The following AKR1C8 variants were observed in gnomAD, a reference collection of about 807,000 sequenced individuals.
AKR1C8 encodes aldo-keto reductase family 1 member C-like protein 1.
At chr10:5,139,114 T>C in the AKR1C8 span, among the ~76,000 whole-genome samples, 5 of 152,068 alleles carry the variant, frequency 3.3e-5, no homozygotes, top group South Asian at 2.1e-4. Context: ...TGAAGGACCT[T>C]TTCAAGGAGA....
the AKR1C8 span, among the ~76,000 whole-genome samples, chr10:5,179,518 G>A: frequency 6.6e-6 from 1 of 152,034 alleles, no homozygotes. Flanking sequence ...GAATCTGAAT[G>A]TTGGCCTGCC....
the AKR1C8 span, among the ~76,000 whole-genome samples, chr10:5,163,333 T>C: frequency 1.3e-5 from 2 of 152,186 alleles, no homozygotes; most frequent in Admixed American, 6.5e-5. Flanking sequence ...AATGGATAAT[T>C]ATGCCACTGA....
chr10:5,125,153 T>C, the AKR1C8 span, among the ~76,000 whole-genome samples: 14 of 152,312 alleles, frequency 9.2e-5, no homozygotes, highest in African/African-American at 3.4e-4. Flanking sequence ...TTATTAGGTA[T>C]ACTTTTGGTA....
At chr10:5,140,624 A>G in the AKR1C8 span, among the ~76,000 whole-genome samples, 2 of 151,852 alleles carry the variant, frequency 1.3e-5, no homozygotes, top group Non-Finnish European at 2.9e-5. Flanking sequence ...AGGGCGGGAA[A>G]CATCACACAC....
the AKR1C8 span, chr10:5,162,928 C>T: frequency 1.9e-6 from 1 of 534,742 alleles, no homozygotes; most frequent in Non-Finnish European, 3.8e-6. Flanking sequence ...GTCCAACCTC[C>T]TCCTCATTTT....
At chr10:5,180,836 G>A in the AKR1C8 span, among the ~76,000 whole-genome samples, 540 of 152,298 alleles carry the variant, frequency 3.5e-3, 6 homozygotes, top group Admixed American at 5.9e-3. Flanking sequence ...TAAGCCCGTC[G>A]GAAAAGCGCG....
the AKR1C8 span, among the ~76,000 whole-genome samples, chr10:5,136,530 C>T: frequency 6.6e-6 from 1 of 152,096 alleles, no homozygotes; most frequent in Non-Finnish European, 1.5e-5. Context: ...TTGCATGATC[C>T]ATGATTAACA....
At chr10:5,175,437 T>C in the AKR1C8 span, among the ~76,000 whole-genome samples, 11 of 152,250 alleles carry the variant, frequency 7.2e-5, no homozygotes, top group South Asian at 1.2e-3. Context: ...AATAAACATA[T>C]GTGTGCATGT....
the AKR1C8 span, chr10:5,184,923 C>T: frequency 2.2e-6 from 1 of 450,342 alleles, no homozygotes; most frequent in South Asian, 1.6e-5. Flanking sequence ...CAAGCATCCA[C>T]TGTCTACCCA....
the AKR1C8 span, among the ~76,000 whole-genome samples, chr10:5,140,072 A>G: frequency 1.3e-5 from 2 of 152,210 alleles, no homozygotes; most frequent in Non-Finnish European, 2.9e-5. Context: ...GTCATCAGAG[A>G]AATGCAAATC....
the AKR1C8 span, among the ~76,000 whole-genome samples, chr10:5,168,164 C>T: frequency 3.9e-5 from 6 of 151,990 alleles, no homozygotes; most frequent in African/African-American, 7.2e-5. Flanking sequence ...GGAGAGGAAA[C>T]GGTCTGAGGT....
At chr10:5,147,340 A>T in the AKR1C8 span, among the ~76,000 whole-genome samples, 2 of 152,112 alleles carry the variant, frequency 1.3e-5, no homozygotes, top group Non-Finnish European at 1.5e-5. Flanking sequence ...TAGAGGGTCA[A>T]ATATCGCAAT....
the AKR1C8 span, among the ~76,000 whole-genome samples, chr10:5,153,571 A>C: frequency 6.6e-6 from 1 of 152,208 alleles, no homozygotes; most frequent in Non-Finnish European, 1.5e-5. Flanking sequence ...GCTGTGTAGG[A>C]TGCATGGCTG....
the AKR1C8 span, among the ~76,000 whole-genome samples, chr10:5,166,367 A>G: frequency 2.0e-5 from 3 of 152,242 alleles, no homozygotes; most frequent in Non-Finnish European, 4.4e-5. Flanking sequence ...TGGAGGCATC[A>G]TGCTACCTGA....
chr10:5,116,047 G>T, the AKR1C8 span, among the ~76,000 whole-genome samples: 3 of 152,016 alleles, frequency 2.0e-5, no homozygotes, highest in African/African-American at 7.2e-5. Context: ...ATTTTTGAAG[G>T]ATCTGGGTCA....
chr10:5,127,605 G>GACATGTGC, the AKR1C8 span, among the ~76,000 whole-genome samples: 1 of 151,280 alleles, frequency 6.6e-6, no homozygotes, highest in Non-Finnish European at 1.5e-5. Context: ...TGTAATCCCA[G>GACATGTGC]CTACTCAGGA....
At chr10:5,163,541 T>C in the AKR1C8 span, among the ~76,000 whole-genome samples, 11 of 152,206 alleles carry the variant, frequency 7.2e-5, no homozygotes, top group East Asian at 1.9e-4. Context: ...GTGTATTTCA[T>C]GAGAAGCACA....
chr10:5,167,760 C>T, the AKR1C8 span, among the ~76,000 whole-genome samples: 1 of 133,950 alleles, frequency 7.5e-6, no homozygotes, highest in Non-Finnish European at 1.7e-5. Context: ...GCACATGTAG[C>T]CTAAAACTTA....
the AKR1C8 span, chr10:5,162,854 T>G: frequency 7.5e-6 from 4 of 533,424 alleles, no homozygotes; most frequent in South Asian, 5.6e-5. Flanking sequence ...AACTTTCACC[T>G]TGATGGTGTA....
Sources: allele counts gnomAD v4.1 joint callset (sites outside exome capture counted in the v4.1 genomes callset), GRCh38; gene constraint gnomAD v4.1.1; transcripts MANE v1.5; gene names NCBI Gene and HGNC (gene_info 2026-07-23, HGNC 2026-07-21).